The following KCTD1 variants were observed in gnomAD, a reference collection of about 807,000 sequenced individuals.
KCTD1 encodes potassium channel tetramerization domain containing 1, also known as BTB/POZ domain-containing protein KCTD1.
In KCTD1, 24 loss-of-function variants were observed where a neutral mutation model predicts 66.0. That is an observed-to-expected ratio of 0.36 (90% CI 0.26 to 0.51). KCTD1 has a LOEUF of 0.51. Ranked by LOEUF, KCTD1 falls within the 20% of genes least tolerant of loss-of-function variation. KCTD1 has a pLI of 0.95. For missense variants in KCTD1, 943 were observed against 1,205.2 expected (o/e 0.78, Z 3.22); for synonymous variants, 511 against 517.2 (o/e 0.99, Z 0.16).
At chr18:26,600,926 G>A (rs567555) in intron 1 of KCTD1, among the ~76,000 whole-genome samples, 21,910 of 151,900 alleles carry the variant, frequency 0.14, 1,634 homozygotes, top group East Asian at 0.26. Context: ...TGTCATTTAT[G>A]TTAACCTTCA....
intron 1 of KCTD1, among the ~76,000 whole-genome samples, chr18:26,627,402 G>T (rs1279133700): frequency 1.3e-5 from 2 of 151,970 alleles, no homozygotes; most frequent in Non-Finnish European, 1.5e-5. Flanking sequence ...TGAAATATTA[G>T]ATTGAACCAT....
chr18:26,634,338 G>C (rs1173973693), intron 1 of KCTD1, among the ~76,000 whole-genome samples: 2 of 152,142 alleles, frequency 1.3e-5, no homozygotes, highest in Non-Finnish European at 2.9e-5. Context: ...AGTGAGTGCA[G>C]AAAAGCATTT....
At chr18:26,604,406 T>C (rs1435462121) in intron 1 of KCTD1, among the ~76,000 whole-genome samples, 5 of 152,218 alleles carry the variant, frequency 3.3e-5, no homozygotes, top group Admixed American at 1.3e-4. Context: ...ATCCCATTAC[T>C]GGGTATATAC....
intron 1 of KCTD1, among the ~76,000 whole-genome samples, chr18:26,610,749 C>T (rs894144629): frequency 3.9e-5 from 6 of 152,174 alleles, no homozygotes; most frequent in African/African-American, 1.2e-4. Flanking sequence ...CTTTTTACTA[C>T]TCAATGGCCT....
chr18:26,488,327 G>A (rs1982020057), intron 2 of KCTD1, among the ~76,000 whole-genome samples: 1 of 151,820 alleles, frequency 6.6e-6, no homozygotes, highest in Non-Finnish European at 1.5e-5. Context: ...TTTTAATGAT[G>A]TACCTTCTTT....
chr18:26,519,728 A>G (rs1054808215), intron 1 of KCTD1, among the ~76,000 whole-genome samples: 2 of 152,218 alleles, frequency 1.3e-5, no homozygotes, highest in Admixed American at 6.5e-5. Flanking sequence ...CTCTCTCTCT[A>G]AAGATATATT....
intron 1 of KCTD1, among the ~76,000 whole-genome samples, chr18:26,506,082 A>G (rs950921409): frequency 8.0e-5 from 12 of 150,904 alleles, no homozygotes; most frequent in African/African-American, 2.4e-4. Context: ...GGGTTTCGCT[A>G]TGTTGCCCAG....
chr18:26,623,586 G>C (rs1287345382), intron 1 of KCTD1, among the ~76,000 whole-genome samples: 1 of 152,082 alleles, frequency 6.6e-6, no homozygotes, highest in African/African-American at 2.4e-5. Context: ...CACCATAATT[G>C]TAAGTTTCCT....
intron 1 of KCTD1, among the ~76,000 whole-genome samples, chr18:26,560,257 A>G (rs140291372): frequency 4.5e-4 from 68 of 152,154 alleles, no homozygotes; most frequent in African/African-American, 1.6e-3. Flanking sequence ...TTCTCACAAC[A>G]AAAAATATGT....
chr18:26,604,758 G>C (rs1459155826), intron 1 of KCTD1, among the ~76,000 whole-genome samples: 1 of 152,104 alleles, frequency 6.6e-6, no homozygotes, highest in Admixed American at 6.5e-5. Context: ...GTGGGAGGAG[G>C]GAGAGGAGCA....
chr18:26,481,823 T>A (rs766139079), intron 2 of KCTD1, among the ~76,000 whole-genome samples: 11 of 152,122 alleles, frequency 7.2e-5, no homozygotes, highest in Non-Finnish European at 1.5e-4. Context: ...GCTATTCTGA[T>A]GTAATTGGTT....
intron 2 of KCTD1, among the ~76,000 whole-genome samples, chr18:26,488,233 A>T (rs556264996): frequency 1.4e-4 from 22 of 152,084 alleles, no homozygotes; most frequent in Non-Finnish European, 2.9e-4. Flanking sequence ...TTGATACAAC[A>T]ACCTTTATTC....
Position 26,621,586 on chromosome 18 carries a change from G to A in KCTD1, c.-16+7561C>T, listed in dbSNP as rs192955820. 4.6e-3 allele frequency among the ~76,000 whole-genome samples: 699 copies of A among 152,228 alleles called. 5 individuals carry two copies. The highest frequency in any genetic ancestry group is 0.016 in the African/African-American group (676 of 41,534). On this transcript the variant is annotated intron_variant, in intron 1 of 4. Transcript: ENST00000317932. ...GCAGCTCATCTTCGCCCCACCCCGA[G>A]CCGTCCTAAGGAAATGCACTAATAG...
chr18:26,468,585 A>G lies in KCTD1; in HGVS notation c.2133+7930T>C, dbSNP rs1980877028. Reference sequence around the variant, plus strand: ...GGTGGCTCACACCTATAATCCCAACACTTTGGGATGCTGAGGTGGGCGGAT... The same window carrying G: ...GGTGGCTCACACCTATAATCCCAACGCTTTGGGATGCTGAGGTGGGCGGAT... On this transcript the variant is annotated intron_variant, in intron 3 of 4. Transcript: ENST00000580059. The surrounding 1 kb of genome is among the most constrained non-coding windows in gnomAD (Gnocchi z 4.8). Among the ~76,000 whole-genome samples, 1 of 152,168 alleles carries G rather than the reference A, an allele frequency of 6.6e-6. No individual in the cohort carries two copies. Among genetic ancestry groups the G allele is most frequent in the East Asian group, 1.9e-4 (1 of 5,184 alleles).
chr18:26,597,122 G>A (rs142275574), intron 1 of KCTD1, among the ~76,000 whole-genome samples: 6 of 152,226 alleles, frequency 3.9e-5, no homozygotes, highest in Non-Finnish European at 8.8e-5. Context: ...CATGGGGTGA[G>A]GAGGACCTCC....
intron 1 of KCTD1, among the ~76,000 whole-genome samples, chr18:26,541,773 C>G (rs146848033): frequency 1.3e-5 from 2 of 151,768 alleles, no homozygotes; most frequent in African/African-American, 4.9e-5. Flanking sequence ...TTAATCTCAA[C>G]CCATACCCTT....
At chr18:26,550,103 G>C (rs989646712), upstream of KCTD1, among the ~76,000 whole-genome samples, 2 of 152,084 alleles carry the variant, frequency 1.3e-5, no homozygotes, top group Non-Finnish European at 2.9e-5. This position sits in a 1 kb window ranked among gnomAD's most constrained non-coding sequence, Gnocchi z 5.4. Context: ...GGGGTGAGGG[G>C]ACACGAGGGA....
At chr18:26,549,417 C>A, upstream of KCTD1, 1 of 985,640 alleles carries the variant, frequency 1.0e-6, no homozygotes, top group Non-Finnish European at 1.2e-6. Flanking sequence ...AGGTCTGGGG[C>A]AAGTCCGCGC....
Position 26,547,672 on chromosome 18 carries a change from G to A in KCTD1, c.865C>T (p.Leu289=), listed in dbSNP as rs915848907. Residue 289 remains leucine, a synonymous_variant, in exon 1 of 5, where the codon CTG becomes TTG. Coordinates refer to ENST00000580059, the MANE Select transcript of KCTD1 (RefSeq NM_001142730.3). ...ACGCTGGAGGTGTACAGCTTGCGCA[G>A]GTCGGCGCGCGTGATGGCTTGCTTC... ...VQKQAITRAD[L]RKLYTSSVFS... is the part of the protein sequence containing the mutation. 2.6e-6 allele frequency: 4 copies of A among 1,551,328 alleles called. No homozygotes were observed. The highest frequency in any genetic ancestry group is 2.7e-5 in the African/African-American group (2 of 73,070).
Sources: gnomAD v4.1 joint callset for allele counts (sites outside exome capture counted in the v4.1 genomes callset) on GRCh38, gnomAD v4.1.1 for gene constraint, Gnocchi (gnomAD v3.1) non-coding constraint, MANE v1.5 for transcripts, NCBI Gene and HGNC (gene_info 2026-07-23, HGNC 2026-07-21) for gene names.